WDR33: variants seen among roughly 807,000 people sequenced by gnomAD.
WDR33 encodes the protein pre-mRNA 3' end processing protein WDR33.
Under a neutral mutation model 164.9 loss-of-function variants are expected in WDR33, and 47 were observed. The ratio of observed to expected loss-of-function variants is 0.29; its 90% CI spans 0.23 to 0.36. WDR33 has a LOEUF of 0.36. Among genes scored for constraint, WDR33 ranks in the 10% least tolerant of loss-of-function variants. WDR33 has a pLI of 1.00. For synonymous variants in WDR33, 505 were observed against 589.0 expected, an observed-to-expected ratio of 0.86 and a Z score of 2.06; for missense variants, 1,137 against 1,754.1, an observed-to-expected ratio of 0.65 and a Z score of 6.28.
At chr2:127,737,118 A>C (rs1686867562) in intron 7 of WDR33, 2 of 985,282 alleles carry the variant, frequency 2.0e-6, no homozygotes, top group Admixed American at 1.2e-4. Flanking sequence ...GGACTTTTTA[A>C]AAAATTTACA....
At chr2:127,783,737 T>C (rs1688460538) in intron 1 of WDR33, among the ~76,000 whole-genome samples, 1 of 150,904 alleles carries the variant, frequency 6.6e-6, no homozygotes, top group Non-Finnish European at 1.5e-5. Flanking sequence ...CCCGAGTAGA[T>C]GAGATTACAG....
chr2:127,763,286 G>C lies in WDR33; in HGVS notation c.627-127C>G. The C allele has an allele frequency of 6.6e-7, 1 of 1,504,220 alleles. No individual in the cohort carries two copies. The highest frequency in any genetic ancestry group is 2.2e-5 in the Admixed American group (1 of 45,054). 93.2% of individuals were successfully genotyped at this position (1,504,220 alleles called of 1,614,324 possible). A position where few individuals can be genotyped will look rare whatever the true frequency, so the allele number is the denominator to read the frequency against. ...ACAGGAGAGGGAAGAATCCAGTGAA[G>C]AAGCCCTTAAAGTGAATGTCGTCAG... On this transcript the variant is annotated intron_variant, in intron 6 of 21. Transcript: ENST00000322313. This position sits in a 1 kb window ranked among gnomAD's most constrained non-coding sequence, Gnocchi z 4.5.
At chr2:127,780,191 T>C (rs1346360880) in intron 1 of WDR33, among the ~76,000 whole-genome samples, 1 of 152,108 alleles carries the variant, frequency 6.6e-6, no homozygotes, top group Non-Finnish European at 1.5e-5. Flanking sequence ...GCCAGGATGG[T>C]CTCGATCTCC....
Position 127,764,553 on chromosome 2 carries a change from T to C in WDR33, c.626+275A>G, listed in dbSNP as rs1558943408. The C allele has an allele frequency of 1.3e-6, 2 of 1,548,302 alleles. No individual in the cohort carries two copies. Among genetic ancestry groups the C allele is most frequent in the East Asian group, 2.4e-5 (1 of 40,906 alleles). ...ATAAAAAGGAATAACGTATACACATTATTAATCATAAATGAAAAGAGAAAA... is the reference window on the plus strand; with the variant it reads ...ATAAAAAGGAATAACGTATACACATCATTAATCATAAATGAAAAGAGAAAA... On this transcript the variant is annotated intron_variant, in intron 6 of 21. Transcript: ENST00000322313. The surrounding 1 kb of genome is among the most constrained non-coding windows in gnomAD (Gnocchi z 6.2).
chr2:127,797,812 G>A (rs1689091906), intron 1 of WDR33, among the ~76,000 whole-genome samples: 1 of 152,118 alleles, frequency 6.6e-6, no homozygotes, highest in Admixed American at 6.6e-5. Context: ...AGAAGTTCGA[G>A]ACCAGTCTGG....
chr2:127,768,731 T>A (rs1687900373), intron 3 of WDR33, among the ~76,000 whole-genome samples: 1 of 152,332 alleles, frequency 6.6e-6, no homozygotes, highest in Non-Finnish European at 1.5e-5. Flanking sequence ...TCACCCATCA[T>A]TAGATTAAAA....
rs532384550 is a variant in WDR33, at chr2:127,713,233, A to G, written c.3308+350T>C. Among the ~76,000 whole-genome samples the G allele has an allele frequency of 1.2e-4, 18 of 152,270 alleles. No individual in the cohort carries two copies. The South Asian group carries it at 3.3e-3, about 28-fold the overall frequency. ...CTATTTCACAACCCCTTTATTTCCA[A>G]TCTAGGTAGCTGCCTCATATTTCCT... On this transcript the variant is annotated intron_variant, in intron 18 of 21. Coordinates refer to ENST00000322313, the MANE Select transcript of WDR33 (RefSeq NM_018383.5). The surrounding 1 kb of genome is among the most constrained non-coding windows in gnomAD (Gnocchi z 6.2).
chr2:127,765,602 T>C (rs1033579404), intron 4 of WDR33, among the ~76,000 whole-genome samples: 13 of 152,066 alleles, frequency 8.5e-5, no homozygotes, highest in South Asian at 2.1e-4. Context: ...GGCTATACGA[T>C]AGACTAACAT....
intron 1 of WDR33, among the ~76,000 whole-genome samples, chr2:127,791,636 G>A (rs1312285744): frequency 6.6e-6 from 1 of 152,088 alleles, no homozygotes; most frequent in African/African-American, 2.4e-5. Flanking sequence ...TCATCACACT[G>A]GGGGTTACTA....
At chr2:127,776,224 A>G (rs35208108) in intron 1 of WDR33, among the ~76,000 whole-genome samples, 2 of 152,212 alleles carry the variant, frequency 1.3e-5, no homozygotes, top group African/African-American at 4.8e-5. Flanking sequence ...GAGAGAGAAG[A>G]CAGCCATCTA....
intron 1 of WDR33, among the ~76,000 whole-genome samples, chr2:127,782,218 C>G (rs1408615200): frequency 6.6e-6 from 1 of 151,954 alleles, no homozygotes; most frequent in African/African-American, 2.4e-5. Flanking sequence ...ACCAGCCTGA[C>G]CAACATGGTG....
At chr2:127,781,481 A>G (rs1315343966) in intron 1 of WDR33, among the ~76,000 whole-genome samples, 1 of 152,226 alleles carries the variant, frequency 6.6e-6, no homozygotes, top group Non-Finnish European at 1.5e-5. Flanking sequence ...GGAAATCTAA[A>G]TAAGATCTGC....
chr2:127,701,338 C>A lies in WDR33; in HGVS notation c.*4985G>T. 1 of 436,600 alleles carries A rather than the reference C, an allele frequency of 2.3e-6. No homozygotes were observed. The highest frequency in any genetic ancestry group is 3.7e-6 in the Non-Finnish European group (1 of 269,386). 27.0% of individuals were successfully genotyped at this position (436,600 alleles called of 1,614,324 possible). ...GGGAGGGCGACTGCAAGCGGACAGGCAGCACCTGCGACCACGGTACTTGGG... is the reference window on the plus strand; with the variant it reads ...GGGAGGGCGACTGCAAGCGGACAGGAAGCACCTGCGACCACGGTACTTGGG... On this transcript the variant is annotated 3_prime_UTR_variant, in exon 22 of 22. Coordinates refer to ENST00000322313, the MANE Select transcript of WDR33 (RefSeq NM_018383.5).
rs560939603 is a variant in WDR33, at chr2:127,705,661, T to C, written c.*662A>G. 4.6e-5 allele frequency: 7 copies of C among 152,352 alleles called. No homozygotes were observed. The highest frequency in any genetic ancestry group is 1.7e-4 in the African/African-American group (7 of 41,584). 9.4% of individuals were successfully genotyped at this position (152,352 alleles called of 1,614,324 possible). ...GCATTTTCTCTTCAGAGTACAATTTTCCATCTGTCAGAGCATGTCTGAATA... is the reference window on the plus strand; with the variant it reads ...GCATTTTCTCTTCAGAGTACAATTTCCCATCTGTCAGAGCATGTCTGAATA... On this transcript the variant is annotated 3_prime_UTR_variant, in exon 22 of 22. Transcript: ENST00000322313. This position sits in a 1 kb window ranked among gnomAD's most constrained non-coding sequence, Gnocchi z 4.5.
At position 127,708,028 on chromosome 2, in the gene WDR33, A is replaced by C. The variant is rs1292002447; in HGVS notation, c.3781+649T>G. 6.6e-6 allele frequency among the ~76,000 whole-genome samples: 1 copy of C among 152,222 alleles called. No individual in the cohort carries two copies. The highest frequency in any genetic ancestry group is 1.5e-5 in the Non-Finnish European group (1 of 68,042). On this transcript the variant is annotated intron_variant, in intron 21 of 21. Transcript: ENST00000322313. This position sits in a 1 kb window ranked among gnomAD's most constrained non-coding sequence, Gnocchi z 6.7. The stretch of plus-strand genomic sequence containing the variant: ...AGGCCAACTTCAGGAGCAGAGCACA[A>C]GCTGGGGCATGCGGGGAGCAGCCTT...
At chr2:127,799,068 C>G (rs1296461036) in intron 1 of WDR33, 1 of 152,202 alleles carries the variant, frequency 6.6e-6, no homozygotes, top group East Asian at 1.9e-4. Flanking sequence ...AAGTCAAACT[C>G]ATATTCACAT....
chr2:127,701,579 T>G lies in WDR33; in HGVS notation c.*4744A>C. 7.4e-7 allele frequency: 1 copy of G among 1,342,732 alleles called. No homozygotes were observed. The highest frequency in any genetic ancestry group is 9.6e-7 in the Non-Finnish European group (1 of 1,041,340). 83.2% of individuals were successfully genotyped at this position (1,342,732 alleles called of 1,614,324 possible). ...AGGAGTACCTGGCGCAGGGGAAAGC[T>G]GGCGGCCCGGCGGCCGCGGAGCCGC... On this transcript the variant is annotated 3_prime_UTR_variant, in exon 22 of 22. Transcript: ENST00000322313.
chr2:127,783,558 C>T (rs1402674146), intron 1 of WDR33, among the ~76,000 whole-genome samples: 2 of 148,580 alleles, frequency 1.3e-5, no homozygotes, highest in Non-Finnish European at 3.0e-5. Flanking sequence ...AAACAGCTTC[C>T]TTACAAAAGC....
At position 127,719,737 on chromosome 2, in the gene WDR33, C is replaced by G; in HGVS notation, c.2288G>C (p.Gly763Ala). 1 of 1,613,812 alleles carries G rather than the reference C, an allele frequency of 6.2e-7. No homozygotes were observed. Among genetic ancestry groups the G allele is most frequent in the Non-Finnish European group, 8.5e-7 (1 of 1,179,964 alleles). The change falls in exon 16 of 22, where the codon GGG becomes GCG. Residue 763 changes from glycine (G) to alanine (A), a missense_variant. Physicochemically the swap from Gly to Ala is moderately conservative, Grantham distance 60. Coordinates refer to ENST00000322313, the MANE Select transcript of WDR33 (RefSeq NM_018383.5). This position sits in a 1 kb window ranked among gnomAD's most constrained non-coding sequence, Gnocchi z 6.5. ...CACAGGACCTTGGATCCCTTGAGACCCTGGTCCGCCTTGGATCCCATGAGG... is the reference window on the plus strand; with the variant it reads ...CACAGGACCTTGGATCCCTTGAGACGCTGGTCCGCCTTGGATCCCATGAGG... ...PHPHGIQGGP[G>A]SQGIQGPVSQ...
Sources: allele counts gnomAD v4.1 joint callset (sites outside exome capture counted in the v4.1 genomes callset), GRCh38; gene constraint gnomAD v4.1.1; non-coding constraint Gnocchi (gnomAD v3.1); transcripts MANE v1.5; gene names NCBI Gene and HGNC (gene_info 2026-07-23, HGNC 2026-07-21).